ACTR3C: variants seen among roughly 807,000 people sequenced by gnomAD.
The protein encoded by ACTR3C is actin related protein 3C, also known as actin-related protein 3C.
Under a neutral mutation model 26.3 loss-of-function variants are expected in ACTR3C, and 18 were observed. That is an observed-to-expected ratio of 0.68 (90% CI 0.47 to 1.01). ACTR3C has a LOEUF of 1.01. ACTR3C is among the 50% of genes least tolerant of loss of function. The pLI is 0.00. For synonymous variants in ACTR3C, 55 were observed against 94.5 expected (o/e 0.58, Z 2.42); for missense variants, 184 against 250.7 (o/e 0.73, Z 1.80).
the ACTR3C span, among the ~76,000 whole-genome samples, chr7:150,168,962 T>C: frequency 3.3e-5 from 5 of 150,898 alleles, no homozygotes; most frequent in Non-Finnish European, 5.9e-5. Flanking sequence ...CCCCGAAACC[T>C]GCCTAAAATT....
chr7:150,009,140 A>G, the ACTR3C span, among the ~76,000 whole-genome samples: 11 of 152,390 alleles, frequency 7.2e-5, no homozygotes, highest in South Asian at 1.9e-3. Context: ...CCTAAAAGAT[A>G]GTCAAGGACT....
At chr7:150,298,369 A>T (rs2462098) in intron 1 of ACTR3C, among the ~76,000 whole-genome samples, 5,141 of 145,990 alleles carry the variant, frequency 0.035, 553 homozygotes, top group African/African-American at 0.13. Flanking sequence ...ATAACATTTT[A>T]AAAAAATAGT....
At chr7:150,294,264 C>T (rs1338451962) in intron 2 of ACTR3C, among the ~76,000 whole-genome samples, 1 of 152,230 alleles carries the variant, frequency 6.6e-6, no homozygotes, top group Non-Finnish European at 1.5e-5. Context: ...TTCTAGTGGG[C>T]AGAGGCCAGG....
the ACTR3C span, among the ~76,000 whole-genome samples, chr7:150,185,409 CTT>C: frequency 1.3e-5 from 2 of 151,766 alleles, no homozygotes; most frequent in African/African-American, 4.8e-5. Context: ...TGCTTTATGA[CTT>C]GATTAAAAAC....
At chr7:149,970,556 AC>A in the ACTR3C span, among the ~76,000 whole-genome samples, 1 of 152,176 alleles carries the variant, frequency 6.6e-6, no homozygotes, top group African/African-American at 2.4e-5. Flanking sequence ...TGTTAATAGC[AC>A]CACTCTTCTC....
chr7:150,153,352 C>T, the ACTR3C span, among the ~76,000 whole-genome samples: 1 of 141,046 alleles, frequency 7.1e-6, no homozygotes, highest in African/African-American at 2.7e-5. Flanking sequence ...CCAGAATCTA[C>T]AATGAACTCA....
chr7:149,967,052 T>G, the ACTR3C span, among the ~76,000 whole-genome samples: 1 of 133,056 alleles, frequency 7.5e-6, no homozygotes, highest in East Asian at 2.0e-4. Context: ...TTTTTTTTTT[T>G]GAGACAGAAT....
intron 6 of ACTR3C, among the ~76,000 whole-genome samples, chr7:150,257,987 T>C (rs2530981): frequency 1.8e-4 from 28 of 151,942 alleles, no homozygotes; most frequent in Middle Eastern, 3.4e-3. Context: ...CACCGCTAGA[T>C]GCCAGGAGGT....
the ACTR3C span, among the ~76,000 whole-genome samples, chr7:149,999,576 C>T: frequency 6.6e-6 from 1 of 151,208 alleles, no homozygotes; most frequent in African/African-American, 2.4e-5. Context: ...TGGTAGGAGA[C>T]TGAGTGGCCG....
At chr7:150,136,607 T>C in the ACTR3C span, among the ~76,000 whole-genome samples, 3 of 151,588 alleles carry the variant, frequency 2.0e-5, no homozygotes, top group African/African-American at 4.9e-5. Context: ...GAGATGGAGA[T>C]TGTAGTGAGC....
At chr7:150,166,157 C>T in the ACTR3C span, among the ~76,000 whole-genome samples, 2,116 of 151,492 alleles carry the variant, frequency 0.014, 23 homozygotes, top group African/African-American at 0.049. Flanking sequence ...GATTGACTTT[C>T]TGCATTTGCT....
chr7:150,042,372 C>A, the ACTR3C span, among the ~76,000 whole-genome samples: 3 of 132,242 alleles, frequency 2.3e-5, no homozygotes, highest in Admixed American at 2.1e-4. Flanking sequence ...GATGGGGGTC[C>A]TAAGAGCAAA....
the ACTR3C span, among the ~76,000 whole-genome samples, chr7:149,903,902 TG>T: frequency 0.45 from 21,055 of 46,946 alleles, 4,378 homozygotes; most frequent in African/African-American, 0.55. Flanking sequence ...TTGTTGTTGC[TG>T]GTTGTTGTTG....
chr7:150,279,902 C>G (rs2129611814), intron 6 of ACTR3C, among the ~76,000 whole-genome samples: 1 of 152,272 alleles, frequency 6.6e-6, no homozygotes, highest in African/African-American at 2.4e-5. Flanking sequence ...AAGACAAGAA[C>G]CGAATCATCT....
chr7:149,906,430 T>G, the ACTR3C span, among the ~76,000 whole-genome samples: 2 of 77,988 alleles, frequency 2.6e-5, no homozygotes, highest in African/African-American at 3.9e-5. Context: ...TTTTTTTTTT[T>G]TTTTTTTTTT....
At chr7:150,250,462 C>G (rs1030447850) in intron 6 of ACTR3C, among the ~76,000 whole-genome samples, 8 of 151,914 alleles carry the variant, frequency 5.3e-5, no homozygotes, top group African/African-American at 1.9e-4. Context: ...CTCGGCCTCC[C>G]AAAGTGCTGG....
chr7:150,211,244 G>A, the ACTR3C span, among the ~76,000 whole-genome samples: 4 of 150,042 alleles, frequency 2.7e-5, no homozygotes, highest in Non-Finnish European at 5.9e-5. Context: ...GCCAATGGAT[G>A]CCTTAATAAT....
At chr7:150,059,598 G>A in the ACTR3C span, among the ~76,000 whole-genome samples, 1 of 152,162 alleles carries the variant, frequency 6.6e-6, no homozygotes, top group Non-Finnish European at 1.5e-5. Context: ...GGTAGAGGAA[G>A]GACAGAGGAG....
At chr7:150,215,991 A>G in the ACTR3C span, among the ~76,000 whole-genome samples, 2 of 152,018 alleles carry the variant, frequency 1.3e-5, no homozygotes, top group Admixed American at 1.3e-4. Context: ...ATCCCCAAAT[A>G]TGGTGAAAGA....
Sources: gnomAD v4.1 joint callset for allele counts (sites outside exome capture counted in the v4.1 genomes callset) on GRCh38, gnomAD v4.1.1 for gene constraint, MANE v1.5 for transcripts, NCBI Gene and HGNC (gene_info 2026-07-23, HGNC 2026-07-21) for gene names.